PPM1E: variants seen among roughly 807,000 people sequenced by gnomAD.
The protein encoded by PPM1E is protein phosphatase, Mg2+/Mn2+ dependent 1E.
In PPM1E, 20 loss-of-function variants were observed where a neutral mutation model predicts 65.9. The ratio of observed to expected loss-of-function variants is 0.30; its 90% CI spans 0.21 to 0.44. PPM1E has a LOEUF of 0.44. PPM1E is among the 20% of genes least tolerant of loss of function. The pLI is 1.00. For synonymous variants in PPM1E, 352 were observed against 374.9 expected, an observed-to-expected ratio of 0.94 and a Z score of 0.70; for missense variants, 713 against 953.1, an observed-to-expected ratio of 0.75 and a Z score of 3.32.
At chr17:58,913,825 T>A (rs2051655754) in intron 1 of PPM1E, among the ~76,000 whole-genome samples, 1 of 152,116 alleles carries the variant, frequency 6.6e-6, no homozygotes, top group Non-Finnish European at 1.5e-5. Context: ...AATCTTAGGT[T>A]TTATAATAGT....
intron 1 of PPM1E, among the ~76,000 whole-genome samples, chr17:58,953,670 T>C (rs1427475511): frequency 1.3e-5 from 2 of 152,046 alleles, no homozygotes; most frequent in African/African-American, 4.8e-5. Flanking sequence ...CCAAATTTCC[T>C]AACATCTCAA....
chr17:58,822,233 G>T (rs1295419288), intron 1 of PPM1E, among the ~76,000 whole-genome samples: 1 of 152,186 alleles, frequency 6.6e-6, no homozygotes, highest in Non-Finnish European at 1.5e-5. Context: ...AGCATTGAAT[G>T]AAGTACATAT....
In PPM1E at chr17:58,952,823, G is replaced by A. The variant is rs770867962; in HGVS notation, c.465-2826G>A. ...CTAGTAGCTGAGATTACAGGTTCCCGCCACCACACCCAGCTAATTTTTTTG... is the reference window on the plus strand; with the variant it reads ...CTAGTAGCTGAGATTACAGGTTCCCACCACCACACCCAGCTAATTTTTTTG... On this transcript the variant is annotated intron_variant, in intron 1 of 6. Coordinates refer to ENST00000308249, the MANE Select transcript of PPM1E (RefSeq NM_014906.5). 7.9e-5 allele frequency among the ~76,000 whole-genome samples: 12 copies of A among 151,986 alleles called. 1 individual carries two copies. The highest frequency in any genetic ancestry group is 6.2e-4 in the South Asian group (3 of 4,820).
intron 1 of PPM1E, among the ~76,000 whole-genome samples, chr17:58,841,012 G>T (rs906941011): frequency 1.3e-5 from 2 of 152,270 alleles, no homozygotes; most frequent in Admixed American, 6.5e-5. Context: ...CAAGGTATTC[G>T]GGAACAGGAT....
intron 1 of PPM1E, among the ~76,000 whole-genome samples, chr17:58,825,067 G>A (rs1260912049): frequency 4.0e-5 from 6 of 151,890 alleles, no homozygotes; most frequent in Non-Finnish European, 7.4e-5. Flanking sequence ...CAAATATGGA[G>A]CAGTGTATAC....
At chr17:58,917,612 C>A (rs981789618) in intron 1 of PPM1E, among the ~76,000 whole-genome samples, 7 of 152,176 alleles carry the variant, frequency 4.6e-5, no homozygotes, top group African/African-American at 1.7e-4. Context: ...AGCACAGAAC[C>A]AATTTTATGG....
chr17:58,915,672 T>A (rs2051676312), intron 1 of PPM1E, among the ~76,000 whole-genome samples: 1 of 152,238 alleles, frequency 6.6e-6, no homozygotes, highest in South Asian at 2.1e-4. Flanking sequence ...TACATCTTTA[T>A]AATTCCCATT....
chr17:58,913,708 C>T (rs1347714893), intron 1 of PPM1E, among the ~76,000 whole-genome samples: 1 of 152,150 alleles, frequency 6.6e-6, no homozygotes, highest in Admixed American at 6.5e-5. Flanking sequence ...TTCTTACTGT[C>T]TTCACTTCCT....
Position 58,982,691 on chromosome 17 carries a change from G to T in PPM1E, c.*1660G>T. ...AGATTTTATTTTTTAAAATTTGGAT[G>T]TAAGTAGAGACTTTCAGTATTTGTT... On this transcript the variant is annotated 3_prime_UTR_variant, in exon 7 of 7. Coordinates refer to ENST00000308249, the MANE Select transcript of PPM1E (RefSeq NM_014906.5). The T allele has an allele frequency of 2.1e-6, 1 of 483,712 alleles. No homozygotes were observed. Among genetic ancestry groups the T allele is most frequent in the Non-Finnish European group, 3.7e-6 (1 of 273,394 alleles). 30.0% of individuals were successfully genotyped at this position (483,712 alleles called of 1,614,324 possible). A position where few individuals can be genotyped will look rare whatever the true frequency, so the allele number is the denominator to read the frequency against.
intron 1 of PPM1E, among the ~76,000 whole-genome samples, chr17:58,873,547 T>C (rs2051094243): frequency 6.7e-6 from 1 of 149,646 alleles, no homozygotes; most frequent in East Asian, 1.9e-4. Flanking sequence ...TTGGTTGGAA[T>C]GGAACAAAAT....
chr17:58,904,681 A>G (rs2051535791), intron 1 of PPM1E, among the ~76,000 whole-genome samples: 1 of 152,116 alleles, frequency 6.6e-6, no homozygotes, highest in Non-Finnish European at 1.5e-5. Context: ...ATTTCTTTCA[A>G]CAGAGTTTTG....
intron 1 of PPM1E, among the ~76,000 whole-genome samples, chr17:58,779,714 T>C (rs1479410113): frequency 6.6e-6 from 1 of 152,220 alleles, no homozygotes; most frequent in African/African-American, 2.4e-5. Context: ...CTGACTGTAA[T>C]AAATTATTCC....
At chr17:58,973,583 A>G (rs1341004696) in intron 6 of PPM1E, among the ~76,000 whole-genome samples, 1 of 150,304 alleles carries the variant, frequency 6.7e-6, no homozygotes, top group Non-Finnish European at 1.5e-5. Context: ...GGGAGGCTGA[A>G]GAGGGTTTGA....
intron 1 of PPM1E, among the ~76,000 whole-genome samples, chr17:58,865,201 A>G (rs567444217): frequency 1.3e-5 from 2 of 151,514 alleles, no homozygotes; most frequent in East Asian, 2.0e-4. Context: ...ATCCTGGCCA[A>G]CGTGGTGAAA....
intron 1 of PPM1E, among the ~76,000 whole-genome samples, chr17:58,895,072 C>G (rs569261108): frequency 2.8e-4 from 43 of 152,190 alleles, no homozygotes; most frequent in African/African-American, 9.9e-4. Flanking sequence ...TCCCAAACTT[C>G]TTATTATTAT....
chr17:58,904,897 C>T (rs1434550382), intron 1 of PPM1E, among the ~76,000 whole-genome samples: 2 of 151,150 alleles, frequency 1.3e-5, no homozygotes, highest in East Asian at 1.9e-4. Flanking sequence ...GTGGTGTATG[C>T]CTGTAATCCC....
chr17:58,890,919 G>A (rs2051336878), intron 1 of PPM1E, among the ~76,000 whole-genome samples: 1 of 151,970 alleles, frequency 6.6e-6, no homozygotes, highest in South Asian at 2.1e-4. Context: ...ATTTACCTCT[G>A]TATTCTTAGT....
At chr17:58,941,517 A>G (rs2052065861) in intron 1 of PPM1E, among the ~76,000 whole-genome samples, 1 of 151,118 alleles carries the variant, frequency 6.6e-6, no homozygotes, top group African/African-American at 2.4e-5. Flanking sequence ...ACATGGTGAA[A>G]CCCCATCTCT....
chr17:58,968,003 C>A (rs2030366065), intron 3 of PPM1E, among the ~76,000 whole-genome samples: 1 of 152,078 alleles, frequency 6.6e-6, no homozygotes, highest in South Asian at 2.1e-4. Flanking sequence ...AGGGTTTCAC[C>A]ATGTTGGCCA....
Sources: gnomAD v4.1 joint callset for allele counts (sites outside exome capture counted in the v4.1 genomes callset) on GRCh38, gnomAD v4.1.1 for gene constraint, MANE v1.5 for transcripts, NCBI Gene and HGNC (gene_info 2026-07-23, HGNC 2026-07-21) for gene names.